The following PTPRK variants were observed in gnomAD, a reference collection of about 807,000 sequenced individuals.
PTPRK encodes the protein protein tyrosine phosphatase receptor type K.
PTPRK carries 75 observed loss-of-function variants against 178.0 expected under a neutral mutation model. That is an observed-to-expected ratio of 0.42 (90% CI 0.35 to 0.51). The LOEUF (loss-of-function observed/expected upper bound fraction) is 0.51, where lower values mean the gene tolerates loss of function less well. PTPRK is among the 20% of genes least tolerant of loss of function. The probability of loss-of-function intolerance (pLI) is 0.02; values close to 1 mark genes in which losing one functional copy is unlikely to be tolerated. For missense variants in PTPRK, 1,441 were observed against 1,797.8 expected (o/e 0.80, Z 3.59); for synonymous variants, 637 against 620.6 (o/e 1.03, Z -0.39).
intron 21 of PTPRK, 123 bp downstream of exon 21, chr6:127,990,646 T>C (rs1448901607): frequency 2.0e-5 from 13 of 658,896 alleles, no homozygotes; most frequent in Non-Finnish European, 3.5e-5. Context: ...CAAATAAACA[T>C]TTGTGGAATG....
chr6:128,045,198 T>C (rs951303952), intron 13 of PTPRK, among the ~76,000 whole-genome samples: 19 of 152,080 alleles, frequency 1.2e-4, no homozygotes, highest in African/African-American at 4.1e-4. Flanking sequence ...TACATACTTA[T>C]ATTACACACA....
chr6:128,234,827 T>C (rs1812934983), intron 5 of PTPRK, among the ~76,000 whole-genome samples: 1 of 152,230 alleles, frequency 6.6e-6, no homozygotes, highest in Non-Finnish European at 1.5e-5. Context: ...TTAATTTCTC[T>C]TGGGCAAATA....
At chr6:128,472,427 C>A (rs908036580) in intron 1 of PTPRK, among the ~76,000 whole-genome samples, 7 of 149,594 alleles carry the variant, frequency 4.7e-5, no homozygotes, top group South Asian at 4.4e-4. Context: ...GACACCCCCC[C>A]CCCCTTTAGC....
chr6:128,358,264 C>T (rs1264712998), intron 2 of PTPRK, among the ~76,000 whole-genome samples: 1 of 152,142 alleles, frequency 6.6e-6, no homozygotes. Context: ...CATATTCAGG[C>T]CAGACTCTAC....
At chr6:128,225,134 A>G (rs1811059634) in intron 5 of PTPRK, among the ~76,000 whole-genome samples, 1 of 152,226 alleles carries the variant, frequency 6.6e-6, no homozygotes. Flanking sequence ...AAAGAGCTGC[A>G]CTGACAATAC....
At chr6:128,056,039 G>A (rs1779842535) in intron 13 of PTPRK, among the ~76,000 whole-genome samples, 3 of 148,466 alleles carry the variant, frequency 2.0e-5, no homozygotes, top group African/African-American at 7.5e-5. Flanking sequence ...GTAAGCCCCG[G>A]CAATGTGGCC....
intron 3 of PTPRK, among the ~76,000 whole-genome samples, chr6:128,288,499 G>A (rs1490133225): frequency 6.6e-6 from 1 of 152,198 alleles, no homozygotes; most frequent in East Asian, 1.9e-4. Flanking sequence ...CCATAGTGAT[G>A]CTTTAAGAAT....
At chr6:128,450,157 CAT>C (rs1306638823) in intron 1 of PTPRK, among the ~76,000 whole-genome samples, 1 of 151,336 alleles carries the variant, frequency 6.6e-6, no homozygotes, top group African/African-American at 2.4e-5. Flanking sequence ...GAAAAAGAAC[CAT>C]ATAAGCAGAG....
intron 1 of PTPRK, among the ~76,000 whole-genome samples, chr6:128,488,361 C>T (rs774509859): frequency 8.5e-5 from 13 of 152,178 alleles, no homozygotes; most frequent in Non-Finnish European, 1.3e-4. Context: ...CTGACTCAAA[C>T]GTTCATATGC....
At chr6:128,366,498 A>G (rs759067478) in intron 2 of PTPRK, among the ~76,000 whole-genome samples, 6 of 152,140 alleles carry the variant, frequency 3.9e-5, no homozygotes, top group Non-Finnish European at 2.9e-5. Flanking sequence ...ATCTATTTGT[A>G]CCAAGTACTG....
At chr6:128,052,299 T>C (rs1582740165) in intron 13 of PTPRK, among the ~76,000 whole-genome samples, 1 of 152,194 alleles carries the variant, frequency 6.6e-6, no homozygotes, top group Non-Finnish European at 1.5e-5. Flanking sequence ...AAAATGACGT[T>C]CAAACTTAAG....
chr6:128,150,388 T>C (rs2114555095), intron 7 of PTPRK, among the ~76,000 whole-genome samples: 1 of 152,248 alleles, frequency 6.6e-6, no homozygotes, highest in African/African-American at 2.4e-5. Context: ...TCTACCATTG[T>C]TTATGAAACA....
chr6:128,348,988 C>G (rs1447127028), intron 2 of PTPRK, among the ~76,000 whole-genome samples: 2 of 152,016 alleles, frequency 1.3e-5, no homozygotes, highest in Non-Finnish European at 2.9e-5. Flanking sequence ...CTTTTGCAAA[C>G]AGAGATTTCC....
At chr6:128,391,984 A>C (rs986426398) in intron 2 of PTPRK, among the ~76,000 whole-genome samples, 2 of 152,098 alleles carry the variant, frequency 1.3e-5, no homozygotes, top group African/African-American at 4.8e-5. Context: ...CAGGTACAAA[A>C]TCATGTGACC....
At chr6:128,350,543 A>C (rs533185253) in intron 2 of PTPRK, among the ~76,000 whole-genome samples, 1 of 152,308 alleles carries the variant, frequency 6.6e-6, no homozygotes, top group African/African-American at 2.4e-5. Flanking sequence ...AAGGCTTCCA[A>C]ACAGATGGAT....
chr6:128,170,894 G>C (rs2114644368), intron 7 of PTPRK, among the ~76,000 whole-genome samples: 1 of 148,958 alleles, frequency 6.7e-6, no homozygotes, highest in African/African-American at 2.4e-5. Flanking sequence ...ATAAGCCCTA[G>C]TAAGAAAGCA....
At chr6:128,242,679 T>G (rs1197255741) in intron 3 of PTPRK, 77 bp from the exon 4 acceptor site, 2 of 1,519,376 alleles carry the variant, frequency 1.3e-6, no homozygotes, top group East Asian at 2.4e-5. Context: ...TAGCTAAATA[T>G]ATGCAAAAGT....
intron 6 of PTPRK, among the ~76,000 whole-genome samples, chr6:128,217,235 A>G (rs1009999801): frequency 1.3e-5 from 2 of 152,220 alleles, no homozygotes; most frequent in African/African-American, 2.4e-5. Flanking sequence ...GTCAAATACT[A>G]TCATATTTTC....
In PTPRK at chr6:128,184,505, A is replaced by G. The variant is rs1802443693; in HGVS notation, c.1089T>C (p.Val363=). 1.9e-6 allele frequency: 3 copies of G among 1,613,760 alleles called. No individual in the cohort carries two copies. The highest frequency in any genetic ancestry group is 2.5e-6 in the Non-Finnish European group (3 of 1,179,856). Residue 363 remains valine, a synonymous_variant, in exon 7 of 30, where the codon GTT becomes GTC. Coordinates refer to ENST00000368226, the MANE Select transcript of PTPRK (RefSeq NM_002844.4). ...CACCTTCACCAGGTCTTGTAAGTAGAACTCGGATCTCATATTCGGTATCTG... is the reference window on the plus strand; with the variant it reads ...CACCTTCACCAGGTCTTGTAAGTAGGACTCGGATCTCATATTCGGTATCTG... ...LDPDTEYEIR[V]LLTRPGEGGT...
Sources: gnomAD v4.1 joint callset for allele counts (sites outside exome capture counted in the v4.1 genomes callset) on GRCh38, gnomAD v4.1.1 for gene constraint, MANE v1.5 for transcripts, NCBI Gene and HGNC (gene_info 2026-07-23, HGNC 2026-07-21) for gene names.